Variants in LY75 observed in about 807,000 individuals in gnomAD.
LY75 encodes the protein lymphocyte antigen 75.
A neutral mutation model predicts 231.7 loss-of-function variants in LY75; 185 were observed. That is an observed-to-expected ratio of 0.80 (90% CI 0.71 to 0.90). The LOEUF is 0.90. Ranked by LOEUF, LY75 falls within the 40% of genes least tolerant of loss-of-function variation. The pLI is 0.00. For synonymous variants in LY75, 668 were observed against 689.0 expected, an observed-to-expected ratio of 0.97 and a Z score of 0.48; for missense variants, 1,947 against 2,050.2, an observed-to-expected ratio of 0.95 and a Z score of 0.97.
intron 11 of LY75, 41 bp from the exon 12 acceptor site, chr2:159,875,684 T>G: frequency 2.5e-6 from 4 of 1,607,034 alleles, no homozygotes; most frequent in Non-Finnish European, 3.4e-6. Context: ...ATTAAAACGT[T>G]AAAGTTCAAA....
In LY75 at chr2:159,850,101, A is replaced by G. The variant is rs770748056; in HGVS notation, c.3029T>C (p.Leu1010Ser). The G allele has an allele frequency of 1.2e-5, 19 of 1,613,156 alleles. No individual in the cohort carries two copies. Among genetic ancestry groups the G allele is most frequent in the Admixed American group, 8.4e-5 (5 of 59,822 alleles). ...TSLLPDMEAT[L>S]WIGLRWTAYE... ...GGCAGTCCAGCGCAAACCAATCCAT[A>G]AAGTAGCTTCCATATCCGGAAGCAA... is the stretch of plus-strand genomic sequence containing the variant. The change falls in exon 23 of 35, where the codon TTA becomes TCA. Residue 1010 changes from leucine to serine, a missense_variant. Coordinates refer to ENST00000263636, the MANE Select transcript of LY75 (RefSeq NM_002349.4).
chr2:159,819,591 C>T (rs1191436199), intron 29 of LY75, 135 bp downstream of exon 29: 3 of 1,100,206 alleles, frequency 2.7e-6, no homozygotes, highest in Non-Finnish European at 3.7e-6. Flanking sequence ...TTTCCTTCCT[C>T]GATAACCTCT....
intron 6 of LY75, among the ~76,000 whole-genome samples, chr2:159,882,824 A>T (rs895231195): frequency 6.6e-6 from 1 of 152,086 alleles, no homozygotes; most frequent in South Asian, 2.1e-4. Flanking sequence ...ACAGAATAAG[A>T]CATTTATACA....
intron 31 of LY75, 35 bp downstream of exon 31, chr2:159,815,370 T>C (rs746100639): frequency 1.3e-5 from 20 of 1,552,592 alleles, no homozygotes; most frequent in Non-Finnish European, 1.6e-5. Context: ...TGTCACATTT[T>C]CATAAATGTA....
chr2:159,836,517 GACCTTACAT>G (rs1191662346), intron 25 of LY75, among the ~76,000 whole-genome samples: 1 of 152,186 alleles, frequency 6.6e-6, no homozygotes, highest in East Asian at 1.9e-4. Context: ...TGCTGCCAGA[GACCTTACAT>G]ACCCACTGGT....
At chr2:159,832,284 C>T (rs62176661) in intron 27 of LY75, among the ~76,000 whole-genome samples, 9,653 of 152,200 alleles carry the variant, frequency 0.063, 511 homozygotes, top group East Asian at 0.24. Context: ...AAGCGAGCAT[C>T]ACCGCTTGAG....
In LY75 at chr2:159,878,481, T is replaced by C; in HGVS notation, c.1617A>G (p.Glu539=). The C allele has an allele frequency of 1.2e-6, 2 of 1,613,994 alleles. No individual in the cohort carries two copies. Among genetic ancestry groups the C allele is most frequent in the Admixed American group, 1.7e-5 (1 of 59,982 alleles). ...NLTITSRFEQ[E]YLNDLMKKYD... is the part of the protein sequence containing the mutation. Reference sequence around the variant, plus strand: ...ACTTTTTCATCAAATCATTTAGGTATTCTTGCTCAAATCTACAAAAGGAGA... The same window carrying C: ...ACTTTTTCATCAAATCATTTAGGTACTCTTGCTCAAATCTACAAAAGGAGA... Residue 539 remains glutamate (E), a synonymous_variant, in exon 11 of 35, where the codon GAA becomes GAG. Transcript: ENST00000263636.
chr2:159,881,276 CAATT>C (rs761323323), intron 7 of LY75, 36 bp from the exon 8 acceptor site: 1 of 1,590,222 alleles, frequency 6.3e-7, no homozygotes, highest in South Asian at 1.1e-5. Flanking sequence ...TGGTTTTGCT[CAATT>C]AAATACTGTA....
intron 25 of LY75, 23 bp downstream of exon 25, chr2:159,840,706 G>C (rs1683996568): frequency 1.2e-6 from 2 of 1,613,690 alleles, no homozygotes; most frequent in Non-Finnish European, 1.7e-6. Context: ...ACCCAGTCCT[G>C]GCAGTTGGGA....
At chr2:159,899,104 G>A (rs944104084) in intron 1 of LY75, 45 bp from the exon 2 acceptor site, 43 of 1,578,676 alleles carry the variant, frequency 2.7e-5, no homozygotes, top group South Asian at 1.0e-4. Flanking sequence ...TGGTTGAAGC[G>A]CCTTGCTCCC....
chr2:159,900,619 A>G (rs757320610), intron 1 of LY75, among the ~76,000 whole-genome samples: 4 of 152,216 alleles, frequency 2.6e-5, no homozygotes, highest in East Asian at 1.9e-4. Context: ...TGGTGACTTG[A>G]GGGGAATTTT....
intron 16 of LY75, among the ~76,000 whole-genome samples, chr2:159,858,031 G>A (rs1001893252): frequency 2.6e-5 from 4 of 151,508 alleles, no homozygotes; most frequent in African/African-American, 9.7e-5. Context: ...TTTTCATTTT[G>A]CATCAAAATA....
Position 159,878,635 on chromosome 2 carries a change from G to T in LY75, c.1602C>A (p.Ser534Arg), listed in dbSNP as rs2125874051. ...FGTNCNLTIT[S>R]RFEQEYLNDL... ...TACAAGTTTACTGATGGTCACACCT[G>T]CTAGTGATAGTCAGATTGCAGTTTG... Residue 534 changes from serine to arginine, a missense_variant and splice_region_variant, in exon 10 of 35, where the codon AGC becomes AGA. Physicochemically the swap from Ser to Arg is moderately radical, Grantham distance 110 (BLOSUM62 -1). Transcript: ENST00000263636. 6.2e-7 allele frequency: 1 copy of T among 1,614,016 alleles called. No individual in the cohort carries two copies. The highest frequency in any genetic ancestry group is 2.2e-5 in the East Asian group (1 of 44,858).
In LY75 at chr2:159,854,438, G is replaced by C. The variant is rs1684488499; in HGVS notation, c.2517C>G (p.Tyr839Ter). The change falls in exon 18 of 35, where the codon TAC (tyrosine) becomes TAG (stop). Residue 839 changes from tyrosine (Y) to a stop codon, truncating the protein, a stop_gained. Coordinates refer to ENST00000263636, the MANE Select transcript of LY75 (RefSeq NM_002349.4). LOFTEE classifies it high-confidence loss of function. ...LHLNYEEAVL[Y>*]CASNHSFLAT... The stretch of plus-strand genomic sequence containing the variant: ...CAAGAAAGCTGTGATTGCTGGCACA[G>C]TACAGGACGGCTTCTTCATAGTTTA... 1.2e-6 allele frequency: 2 copies of C among 1,613,346 alleles called. No individual in the cohort carries two copies. Among genetic ancestry groups the C allele is most frequent in the East Asian group, 4.5e-5 (2 of 44,868 alleles).
At chr2:159,813,439 G>A (rs1683025914) in intron 31 of LY75, among the ~76,000 whole-genome samples, 1 of 151,576 alleles carries the variant, frequency 6.6e-6, no homozygotes, top group Non-Finnish European at 1.5e-5. Flanking sequence ...CAACAGAAAT[G>A]TATGCTCTCA....
At chr2:159,880,983 TA>T (rs1195255827) in intron 8 of LY75, 99 bp downstream of exon 8, 4 of 1,441,618 alleles carry the variant, frequency 2.8e-6, no homozygotes, top group Admixed American at 2.2e-5. Flanking sequence ...TCTTACCTTT[TA>T]TTTTCCAGCT....
chr2:159,872,850 C>A (rs1574577382), intron 12 of LY75, among the ~76,000 whole-genome samples: 1 of 152,168 alleles, frequency 6.6e-6, no homozygotes, highest in East Asian at 1.9e-4. Context: ...ACTATTCCAA[C>A]AAGATCCACG....
intron 33 of LY75, among the ~76,000 whole-genome samples, 166 bp from the exon 34 acceptor site, chr2:159,807,306 T>C (rs1682820400): frequency 6.6e-6 from 1 of 152,256 alleles, no homozygotes; most frequent in African/African-American, 2.4e-5. Context: ...TCAGTTGCAC[T>C]AGTCACATTT....
At chr2:159,852,152 C>T in intron 21 of LY75, 49 bp downstream of exon 21, 1 of 1,598,064 alleles carries the variant, frequency 6.3e-7, no homozygotes, top group South Asian at 1.1e-5. Context: ...GGCTATAAAA[C>T]CAGCATGGAA....
Sources: allele counts gnomAD v4.1 joint callset (sites outside exome capture counted in the v4.1 genomes callset), GRCh38; gene constraint gnomAD v4.1.1; transcripts MANE v1.5; gene names NCBI Gene and HGNC (gene_info 2026-07-23, HGNC 2026-07-21).